The following RELL1 variants were observed in gnomAD, a reference collection of about 807,000 sequenced individuals.
The protein encoded by RELL1 is RELT like 1.
Under a neutral mutation model 23.0 loss-of-function variants are expected in RELL1, and 10 were observed. That is an observed-to-expected ratio of 0.43 (90% CI 0.27 to 0.74). The LOEUF (loss-of-function observed/expected upper bound fraction) is 0.74. Ranked by LOEUF, RELL1 falls within the 30% of genes least tolerant of loss-of-function variation. The pLI, the probability that RELL1 is intolerant of heterozygous loss-of-function variation, is 0.19. For missense variants in RELL1, 315 were observed against 364.4 expected, an observed-to-expected ratio of 0.86 and a Z score of 1.10; for synonymous variants, 146 against 146.8, an observed-to-expected ratio of 0.99 and a Z score of 0.04.
chr4:37,593,749 A>C (rs1560318235), intron 6 of RELL1, among the ~76,000 whole-genome samples: 1 of 152,178 alleles, frequency 6.6e-6, no homozygotes, highest in Non-Finnish European at 1.5e-5. Context: ...CTCAAAACCC[A>C]AAAGCCTGGG....
chr4:37,591,122 A>G, exon 7 of RELL1: 1 of 766,386 alleles, frequency 1.3e-6, no homozygotes. Context: ...CCAGTTGTTT[A>G]CATCCAGCAT....
chr4:37,606,108 GAGGAGGAGGAGA>G (rs531351153), downstream of RELL1, among the ~76,000 whole-genome samples: 824 of 143,178 alleles, frequency 5.8e-3, 5 homozygotes, highest in African/African-American at 0.02. This position sits in a 1 kb window ranked among gnomAD's most constrained non-coding sequence, Gnocchi z 4.1. Context: ...CAAGAAGAAG[GAGGAGGAGGAGA>G]AGGAGGAGGA....
intron 1 of RELL1, among the ~76,000 whole-genome samples, chr4:37,657,632 T>C (rs546801283): frequency 4.2e-4 from 64 of 152,280 alleles, no homozygotes; most frequent in African/African-American, 1.5e-3. Flanking sequence ...GGTGCTTCTG[T>C]TGCCTTTTAA....
intron 1 of RELL1, among the ~76,000 whole-genome samples, chr4:37,673,731 A>C (rs1203772542): frequency 6.6e-6 from 1 of 152,172 alleles, no homozygotes; most frequent in African/African-American, 2.4e-5. Context: ...CCCTGCTGAC[A>C]GCACAGGGCC....
chr4:37,591,102 T>A, exon 7 of RELL1: 1 of 961,980 alleles, frequency 1.0e-6, no homozygotes, highest in Non-Finnish European at 1.6e-6. Context: ...CATGCACCAG[T>A]GCAGCCTTAC....
intron 6 of RELL1, among the ~76,000 whole-genome samples, chr4:37,603,685 C>A (rs962534340): frequency 1.3e-5 from 2 of 152,120 alleles, no homozygotes; most frequent in Admixed American, 6.5e-5. Context: ...CATGGGCAGG[C>A]CCCCTGGCAA....
chr4:37,679,876 C>CG (rs560908664), intron 1 of RELL1, among the ~76,000 whole-genome samples: 63 of 151,564 alleles, frequency 4.2e-4, no homozygotes, highest in Non-Finnish European at 8.5e-4. Flanking sequence ...CTCTTGAACC[C>CG]GGGAGGCGGA....
chr4:37,604,798 G>GACACACACACAC (rs368655689), intron 6 of RELL1, among the ~76,000 whole-genome samples: 2 of 116,354 alleles, frequency 1.7e-5, no homozygotes, highest in Non-Finnish European at 3.6e-5. Context: ...CACACACACA[G>GACACACACACAC]ACACACACAC....
In RELL1 at chr4:37,669,378, C is replaced by A. The variant is rs544823346; in HGVS notation, c.88+16822G>T. ...GGGAGGTGGGGGGGTCAGTCCCCGG[C>A]CCGGCCAGCCGCCCCGTCCGGGAGG... On this transcript the variant is annotated intron_variant, in intron 1 of 6. Transcript: ENST00000454158. 7.2e-4 allele frequency among the ~76,000 whole-genome samples: 107 copies of A among 147,958 alleles called. No homozygotes were observed. In the South Asian group the frequency reaches 0.01, roughly 14 times the overall value.
rs1230454599 is a variant in RELL1, at chr4:37,612,037, C to T, written c.*1309G>A. Reference sequence around the variant, plus strand: ...AAAAATACAAAAAAAATAAGCCAAGCGTGGTGGTGGGCACCTGTAGTCCCA... The same window carrying T: ...AAAAATACAAAAAAAATAAGCCAAGTGTGGTGGTGGGCACCTGTAGTCCCA... On this transcript the variant is annotated 3_prime_UTR_variant, in exon 7 of 7. Coordinates refer to ENST00000454158, the MANE Select transcript of RELL1 (RefSeq NM_001085400.2). Among the ~76,000 whole-genome samples the T allele has an allele frequency of 2.0e-5, 3 of 151,756 alleles. No individual in the cohort carries two copies. The highest frequency in any genetic ancestry group is 3.9e-4 in the East Asian group (2 of 5,152).
At chr4:37,603,498 CTT>C (rs1719071520) in intron 6 of RELL1, among the ~76,000 whole-genome samples, 1 of 152,202 alleles carries the variant, frequency 6.6e-6, no homozygotes, top group African/African-American at 2.4e-5. Flanking sequence ...ACATAGTCCT[CTT>C]TGACCACACA....
At chr4:37,637,914 C>T (rs1382797027) in intron 4 of RELL1, among the ~76,000 whole-genome samples, 5 of 152,206 alleles carry the variant, frequency 3.3e-5, no homozygotes, top group African/African-American at 1.2e-4. Flanking sequence ...TCTTTCAATG[C>T]TTAAGGTACT....
At chr4:37,626,503 GA>G (rs900597701) in intron 6 of RELL1, among the ~76,000 whole-genome samples, 5 of 151,986 alleles carry the variant, frequency 3.3e-5, no homozygotes, top group Admixed American at 6.6e-5. Context: ...ATTAAAAATA[GA>G]ACTACCATAT....
chr4:37,664,987 G>C (rs1683050225), intron 1 of RELL1, among the ~76,000 whole-genome samples: 1 of 152,142 alleles, frequency 6.6e-6, no homozygotes, highest in African/African-American at 2.4e-5. Context: ...AGTGGAGGTG[G>C]GGAAGTGAAG....
downstream of RELL1, chr4:37,588,522 G>C (rs906266322): frequency 5.7e-5 from 13 of 228,548 alleles, no homozygotes; most frequent in Non-Finnish European, 5.2e-5. Flanking sequence ...GATTAGAAAA[G>C]CAGAAGTCCC....
chr4:37,595,060 AT>A (rs970164692), intron 6 of RELL1, among the ~76,000 whole-genome samples: 8 of 151,984 alleles, frequency 5.3e-5, no homozygotes, highest in African/African-American at 1.7e-4. Context: ...GTCTTGTTTC[AT>A]TTTTTTTCTC....
At chr4:37,636,040 G>A (rs1261593120) in intron 4 of RELL1, among the ~76,000 whole-genome samples, 1 of 152,132 alleles carries the variant, frequency 6.6e-6, no homozygotes, top group Non-Finnish European at 1.5e-5. Flanking sequence ...TATGTTAATG[G>A]AATTAATCCT....
intron 3 of RELL1, among the ~76,000 whole-genome samples, chr4:37,638,967 C>T: frequency 6.6e-6 from 1 of 152,138 alleles, no homozygotes; most frequent in East Asian, 1.9e-4. Flanking sequence ...AAATAATTAG[C>T]CCTAAACTCT....
chr4:37,621,316 C>A (rs190515527), intron 6 of RELL1, among the ~76,000 whole-genome samples: 17 of 151,950 alleles, frequency 1.1e-4, no homozygotes, highest in Non-Finnish European at 2.2e-4. Context: ...ATCAGCCAGG[C>A]GTGGTGGTGG....
Sources: gnomAD v4.1 joint callset for allele counts (sites outside exome capture counted in the v4.1 genomes callset) on GRCh38, gnomAD v4.1.1 for gene constraint, Gnocchi (gnomAD v3.1) non-coding constraint, MANE v1.5 for transcripts, NCBI Gene and HGNC (gene_info 2026-07-23, HGNC 2026-07-21) for gene names.